The following CENPI variants were observed in gnomAD, a reference collection of about 807,000 sequenced individuals.
CENPI encodes the protein FSH primary response 1.
In CENPI, 4 loss-of-function variants were observed where a neutral mutation model predicts 60.4. The observed-to-expected ratio is 0.07, with a 90% CI of 0.03 to 0.15. The LOEUF is 0.15. Among genes scored for constraint, CENPI ranks in the 10% least tolerant of loss-of-function variants. The pLI is 1.00. For synonymous variants in CENPI, 157 were observed against 189.4 expected (o/e 0.83, Z 1.40); for missense variants, 444 against 534.5 (o/e 0.83, Z 1.67).
the CENPI span, among the ~76,000 whole-genome samples, chrX:101,180,207 G>A: frequency 9.0e-6 from 1 of 111,441 alleles, no homozygotes; most frequent in East Asian, 2.8e-4. Context: ...CATGATCGTG[G>A]CTCACTGTAA....
At chrX:101,102,980 G>A (rs1308037962) in intron 4 of CENPI, among the ~76,000 whole-genome samples, 1 of 103,753 alleles carries the variant, frequency 9.6e-6, no homozygotes, top group East Asian at 3.1e-4. Context: ...GTGAGCCACC[G>A]TGCCTGGCCG....
At chrX:101,136,549 C>A (rs1476323996) in intron 15 of CENPI, among the ~76,000 whole-genome samples, 1 of 112,136 alleles carries the variant, frequency 8.9e-6, no homozygotes, top group African/African-American at 3.2e-5. Context: ...CCAGCTTAGT[C>A]TAATAAATGA....
chrX:101,120,714 A>T (rs1360453560), intron 7 of CENPI, 24 bp from the exon 8 acceptor site: 3 of 1,195,670 alleles, frequency 2.5e-6, no homozygotes, highest in Admixed American at 2.2e-5. Context: ...AATGCATAGT[A>T]CGTCTTTCCT....
intron 4 of CENPI, 49 bp from the exon 5 acceptor site, chrX:101,109,424 A>G: frequency 1.0e-6 from 1 of 959,673 alleles, no homozygotes; most frequent in Non-Finnish European, 1.5e-6. Flanking sequence ...TAGTAAAAGA[A>G]CAATCGAGAC....
At chrX:101,173,987 G>GA in the CENPI span, among the ~76,000 whole-genome samples, 2 of 111,991 alleles carry the variant, frequency 1.8e-5, no homozygotes, top group East Asian at 2.8e-4. Flanking sequence ...GAAAACGTAT[G>GA]AAAAAATGCT....
chrX:101,127,774 C>A, intron 11 of CENPI, 109 bp downstream of exon 11: 1 of 608,276 alleles, frequency 1.6e-6, no homozygotes, highest in Non-Finnish European at 2.5e-6. Flanking sequence ...TCTTACCTGT[C>A]ACCCAGGCAG....
chrX:101,140,642 C>CT (rs1569502763), intron 15 of CENPI, 24 bp from the exon 16 acceptor site: 1 of 1,063,259 alleles, frequency 9.4e-7, no homozygotes, highest in South Asian at 1.9e-5. Context: ...TTCATGAAAT[C>CT]TTTTTTCATT....
chrX:101,120,718 C>A lies in CENPI; in HGVS notation c.641-20C>A. The A allele has an allele frequency of 8.3e-7, 1 of 1,200,870 alleles. No individual in the cohort carries two copies. The highest frequency in any genetic ancestry group is 1.1e-6 in the Non-Finnish European group (1 of 886,895). ...TTCTGAATCCAAATGCATAGTACGT[C>A]TTTCCTTTATGTTTTCTAGTCAAAC... On this transcript the variant is annotated intron_variant, in intron 7 of 21. Transcript: ENST00000682095.
intron 8 of CENPI, among the ~76,000 whole-genome samples, chrX:101,122,909 ATTTGT>A (rs1182077280): frequency 8.9e-6 from 1 of 112,392 alleles, no homozygotes; most frequent in Non-Finnish European, 1.9e-5. Flanking sequence ...GATCTTGCTG[ATTTGT>A]TTTGTATTAG....
the CENPI span, among the ~76,000 whole-genome samples, chrX:101,172,765 A>G: frequency 0.017 from 1,870 of 111,695 alleles, 10 homozygotes; most frequent in Middle Eastern, 0.09. Flanking sequence ...TAACATATCA[A>G]TGTTTAAAAA....
intron 13 of CENPI, among the ~76,000 whole-genome samples, chrX:101,130,470 C>G (rs1181212126): frequency 9.0e-6 from 1 of 111,484 alleles, no homozygotes; most frequent in Non-Finnish European, 1.9e-5. Context: ...TTTTTTAGTA[C>G]CTGACATCTT....
At chrX:101,158,882 C>T (rs1244266906) in intron 20 of CENPI, among the ~76,000 whole-genome samples, 2 of 111,411 alleles carry the variant, frequency 1.8e-5, no homozygotes, top group Non-Finnish European at 3.8e-5. Flanking sequence ...CCACCCGCCT[C>T]GGCCTCCCAA....
intron 8 of CENPI, among the ~76,000 whole-genome samples, chrX:101,125,938 G>A (rs1252607929): frequency 9.0e-6 from 1 of 111,644 alleles, no homozygotes; most frequent in African/African-American, 3.3e-5. Context: ...ATTAATAATG[G>A]GTGTACAGAG....
chrX:101,107,689 A>G (rs1355135291), intron 4 of CENPI, among the ~76,000 whole-genome samples: 3 of 107,770 alleles, frequency 2.8e-5, no homozygotes, highest in Non-Finnish European at 5.7e-5. Context: ...TATTTTTGAG[A>G]TGGAGTTTCA....
downstream of CENPI, among the ~76,000 whole-genome samples, chrX:101,170,006 C>A (rs766482915): frequency 2.0e-4 from 22 of 111,559 alleles, no homozygotes; most frequent in African/African-American, 7.2e-4. Flanking sequence ...TAAGCTAAGG[C>A]TAATTTATTG....
intron 18 of CENPI, 148 bp downstream of exon 18, chrX:101,146,425 A>C: frequency 2.0e-6 from 1 of 501,079 alleles, no homozygotes; most frequent in Non-Finnish European, 3.2e-6. Flanking sequence ...TGACCTTCCG[A>C]TATGGGGCCA....
At chrX:101,136,108 G>T (rs1444170755) in intron 15 of CENPI, among the ~76,000 whole-genome samples, 9 of 112,354 alleles carry the variant, frequency 8.0e-5, no homozygotes, top group African/African-American at 2.9e-4. Context: ...CAAAGAAGGG[G>T]CTTATATTCT....
chrX:101,173,011 A>AT, the CENPI span, among the ~76,000 whole-genome samples: 2,525 of 68,608 alleles, frequency 0.037, 182 homozygotes, highest in African/African-American at 0.12. Flanking sequence ...AGTTGTAGGA[A>AT]TTTTTTTTTT....
At chrX:101,121,458 T>C (rs1312724707) in intron 8 of CENPI, among the ~76,000 whole-genome samples, 1 of 109,069 alleles carries the variant, frequency 9.2e-6, no homozygotes, top group Non-Finnish European at 1.9e-5. Flanking sequence ...GCCTGGCTAA[T>C]TTTTTGTATT....
Sources: allele counts gnomAD v4.1 joint callset (sites outside exome capture counted in the v4.1 genomes callset), GRCh38; gene constraint gnomAD v4.1.1; transcripts MANE v1.5; gene names NCBI Gene and HGNC (gene_info 2026-07-23, HGNC 2026-07-21).